Variants in SLIT3 observed in about 807,000 individuals in gnomAD.
SLIT3 encodes the protein slit homolog 3 protein.
Under a neutral mutation model 184.0 loss-of-function variants are expected in SLIT3, and 68 were observed. The ratio of observed to expected loss-of-function variants is 0.37; its 90% CI spans 0.30 to 0.45. SLIT3 has a LOEUF of 0.45. SLIT3 is among the 20% of genes least tolerant of loss of function. The pLI, the probability that SLIT3 is intolerant of heterozygous loss-of-function variation, is 1.00. For synonymous variants in SLIT3, 831 were observed against 828.6 expected, an observed-to-expected ratio of 1.00 and a Z score of -0.05; for missense variants, 1,707 against 2,026.0, an observed-to-expected ratio of 0.84 and a Z score of 3.02.
intron 4 of SLIT3, among the ~76,000 whole-genome samples, chr5:168,883,745 T>G (rs1760055417): frequency 7.1e-6 from 1 of 140,570 alleles, no homozygotes; most frequent in Non-Finnish European, 1.5e-5. Context: ...ATCTCCCATC[T>G]CTCAGTGCTG....
intron 5 of SLIT3, among the ~76,000 whole-genome samples, chr5:168,859,172 G>T (rs547715353): frequency 1.3e-5 from 2 of 152,290 alleles, no homozygotes; most frequent in African/African-American, 2.4e-5. Flanking sequence ...GAAGCAGGGG[G>T]TGGAGGGACG....
intron 4 of SLIT3, among the ~76,000 whole-genome samples, chr5:169,108,842 T>C (rs1354700387): frequency 6.6e-6 from 1 of 152,176 alleles, no homozygotes; most frequent in Non-Finnish European, 1.5e-5. Flanking sequence ...CACTAAAACA[T>C]TGCCTAGCAC....
At chr5:168,760,813 C>A in intron 16 of SLIT3, 49 bp downstream of exon 16, 7 of 1,382,630 alleles carry the variant, frequency 5.1e-6, no homozygotes, top group Non-Finnish European at 5.2e-6. Flanking sequence ...AGAACACAGG[C>A]TCTGGCTAGA....
At chr5:169,140,306 T>G (rs891939340) in intron 4 of SLIT3, among the ~76,000 whole-genome samples, 2 of 22,294 alleles carry the variant, frequency 9.0e-5, no homozygotes, top group African/African-American at 6.7e-4. Context: ...CTACTAAAAA[T>G]GCAAAAAAAA....
intron 1 of SLIT3, among the ~76,000 whole-genome samples, chr5:169,290,537 G>A (rs766139837): frequency 1.5e-4 from 18 of 121,220 alleles, no homozygotes; most frequent in South Asian, 2.9e-4. Flanking sequence ...ATACTAGGGC[G>A]CATACTAGGG....
chr5:168,671,858 C>T (rs1400213782), intron 33 of SLIT3, among the ~76,000 whole-genome samples: 1 of 152,124 alleles, frequency 6.6e-6, no homozygotes, highest in African/African-American at 2.4e-5. Flanking sequence ...CCTGCTGTCC[C>T]CACCAGGCTC....
chr5:169,254,036 C>T (rs1765865058), intron 1 of SLIT3, among the ~76,000 whole-genome samples: 1 of 152,198 alleles, frequency 6.6e-6, no homozygotes, highest in Non-Finnish European at 1.5e-5. Context: ...CACATACTGC[C>T]AGGAAGGCCA....
intron 4 of SLIT3, among the ~76,000 whole-genome samples, chr5:169,112,499 T>C (rs915224790): frequency 1.3e-5 from 2 of 152,208 alleles, no homozygotes; most frequent in Non-Finnish European, 1.5e-5. Flanking sequence ...ATCTGGAGGC[T>C]CTGGGGTCAG....
At chr5:169,273,594 A>AT (rs1333740327) in intron 1 of SLIT3, among the ~76,000 whole-genome samples, 1 of 152,194 alleles carries the variant, frequency 6.6e-6, no homozygotes, top group African/African-American at 2.4e-5. Context: ...GATTCATACT[A>AT]TTTTAAAGGC....
chr5:168,806,372 G>C (rs13174747), intron 9 of SLIT3, 74 bp downstream of exon 9: 6 of 1,550,974 alleles, frequency 3.9e-6, no homozygotes, highest in Non-Finnish European at 5.3e-6. Context: ...TGATGGCCTA[G>C]TGGGTGATGG....
Position 169,151,167 on chromosome 5 carries a change from C to T in SLIT3, c.413+42312G>A, listed in dbSNP as rs545160739. 1.2e-4 allele frequency among the ~76,000 whole-genome samples: 18 copies of T among 152,280 alleles called. No homozygotes were observed. The South Asian group carries it at 3.3e-3, about 28-fold the overall frequency. On this transcript the variant is annotated intron_variant, in intron 4 of 35. Transcript: ENST00000519560. ...TTTGAAACAGAAGCAGTGACCACCC[C>T]CTGCTTCCCACTGAGCAAGTGATTC...
chr5:168,746,463 T>TGA (rs1763822959), intron 20 of SLIT3, among the ~76,000 whole-genome samples: 1 of 28,468 alleles, frequency 3.5e-5, no homozygotes, highest in Non-Finnish European at 6.3e-5. Flanking sequence ...TGTGTGGTGG[T>TGA]GTGCGGTGGT....
chr5:168,732,028 A>C (rs1317686465), intron 20 of SLIT3, among the ~76,000 whole-genome samples: 3 of 152,160 alleles, frequency 2.0e-5, no homozygotes, highest in Non-Finnish European at 4.4e-5. Context: ...ATATGATCTT[A>C]TATCTAGAAA....
intron 4 of SLIT3, among the ~76,000 whole-genome samples, chr5:168,964,434 C>T (rs1290073987): frequency 2.0e-5 from 3 of 152,130 alleles, no homozygotes; most frequent in Non-Finnish European, 4.4e-5. Context: ...AAGCCTGGGG[C>T]ATAGTTTTAC....
chr5:168,888,947 G>T (rs899693285), intron 4 of SLIT3, among the ~76,000 whole-genome samples: 11 of 152,138 alleles, frequency 7.2e-5, no homozygotes, highest in African/African-American at 2.7e-4. Flanking sequence ...AAAAAATTTT[G>T]ACAGATAATC....
intron 6 of SLIT3, among the ~76,000 whole-genome samples, chr5:168,827,974 G>T (rs1002423509): frequency 6.6e-6 from 1 of 152,194 alleles, no homozygotes. Flanking sequence ...GATTTTTATA[G>T]AAATTTTGTT....
At chr5:168,899,194 G>T (rs1760783125) in intron 4 of SLIT3, among the ~76,000 whole-genome samples, 1 of 147,202 alleles carries the variant, frequency 6.8e-6, no homozygotes, top group African/African-American at 2.4e-5. Context: ...AAAACAAAGA[G>T]AACTTCTAGA....
intron 1 of SLIT3, among the ~76,000 whole-genome samples, chr5:169,294,771 C>T (rs1451859336): frequency 6.6e-6 from 1 of 152,186 alleles, no homozygotes; most frequent in African/African-American, 2.4e-5. Flanking sequence ...CCCAGATGGT[C>T]TAGCCTACTA....
At position 168,684,061 on chromosome 5, in the gene SLIT3, G is replaced by A; in HGVS notation, c.3591C>T (p.Tyr1197=). The A allele has an allele frequency of 6.2e-7, 1 of 1,607,932 alleles. No individual in the cohort carries two copies. Among genetic ancestry groups the A allele is most frequent in the South Asian group, 1.1e-5 (1 of 90,022 alleles). The change falls in exon 32 of 36, where the codon TAC becomes TAT. Residue 1197 remains tyrosine, a synonymous_variant. Coordinates refer to ENST00000519560, the MANE Select transcript of SLIT3 (RefSeq NM_003062.4). ...ATDKDNGILL[Y]KGDNDPLALE... ...GTGCCAGGGGGTCATTGTCTCCTTTGTAGAGAAGGATGCCGTTGTCCTTGT... is the reference window on the plus strand; with the variant it reads ...GTGCCAGGGGGTCATTGTCTCCTTTATAGAGAAGGATGCCGTTGTCCTTGT...
Sources: gnomAD v4.1 joint callset for allele counts (sites outside exome capture counted in the v4.1 genomes callset) on GRCh38, gnomAD v4.1.1 for gene constraint, MANE v1.5 for transcripts, NCBI Gene and HGNC (gene_info 2026-07-23, HGNC 2026-07-21) for gene names.